Variants in C11orf65 observed in about 807,000 individuals in gnomAD.
The protein encoded by C11orf65 is chromosome 11 open reading frame 65.
Under a neutral mutation model 35.3 loss-of-function variants are expected in C11orf65, and 38 were observed. The ratio of observed to expected loss-of-function variants is 1.08; its 90% confidence interval spans 0.83 to 1.41. C11orf65 has a LOEUF of 1.41. Ranked by LOEUF, C11orf65 falls within the 40% of genes most tolerant of loss-of-function variation. The probability of loss-of-function intolerance (pLI) is 0.00; values close to 1 mark genes in which losing one functional copy is unlikely to be tolerated. For synonymous variants in C11orf65, 105 were observed against 114.4 expected, an observed-to-expected ratio of 0.92 and a Z score of 0.53; for missense variants, 370 against 367.1, an observed-to-expected ratio of 1.01 and a Z score of -0.06.
upstream of C11orf65, among the ~76,000 whole-genome samples, chr11:108,467,841 T>G (rs2093557518): frequency 6.6e-6 from 1 of 152,200 alleles, no homozygotes; most frequent in Non-Finnish European, 1.5e-5. Flanking sequence ...AAAATTTTTC[T>G]TGAGATAGGG....
intron 3 of C11orf65, among the ~76,000 whole-genome samples, chr11:108,426,817 A>G (rs2092909093): frequency 6.6e-6 from 1 of 152,216 alleles, no homozygotes; most frequent in Non-Finnish European, 1.5e-5. Flanking sequence ...AACCAATGGA[A>G]CAGAACAGAG....
chr11:108,403,740 T>C (rs1170771093), intron 6 of C11orf65, among the ~76,000 whole-genome samples: 1 of 152,242 alleles, frequency 6.6e-6, no homozygotes, highest in Non-Finnish European at 1.5e-5. Context: ...TCCAATTTGT[T>C]GAAAAGACTA....
At chr11:108,317,829 T>C (rs1476458126) in intron 6 of C11orf65, among the ~76,000 whole-genome samples, 1 of 151,562 alleles carries the variant, frequency 6.6e-6, no homozygotes, top group Non-Finnish European at 1.5e-5. Flanking sequence ...TACTCTCTTA[T>C]TCCATTAGGA....
Position 108,345,645 on chromosome 11 carries a change from A to G in C11orf65, c.227-10353T>C. 3.0e-6 allele frequency: 3 copies of G among 999,628 alleles called. No homozygotes were observed. In the South Asian group the frequency reaches 5.5e-5, roughly 18 times the overall value. 61.9% of individuals were successfully genotyped at this position (999,628 alleles called of 1,614,324 possible). A position where few individuals can be genotyped will look rare whatever the true frequency, so the allele number is the denominator to read the frequency against. ...TAGGTAATGTATCCTGTTCATCTTT[A>G]TTGCCCCTATATCTGTCATATTTTT... On this transcript the variant is annotated intron_variant, in intron 2 of 3. Coordinates refer to the C11orf65 transcript ENST00000524755.
intron 1 of C11orf65, chr11:108,462,439 TTG>T (rs1227820473): frequency 6.6e-6 from 1 of 152,266 alleles, no homozygotes; most frequent in African/African-American, 2.4e-5. Context: ...GCTAATATGC[TTG>T]TGTTAGAGAT....
intron 7 of C11orf65, among the ~76,000 whole-genome samples, chr11:108,390,497 A>AT (rs543637047): frequency 6.7e-4 from 102 of 152,226 alleles, no homozygotes; most frequent in Middle Eastern, 3.4e-3. Context: ...TCTGGTATCA[A>AT]TTTTTTGTAC....
downstream of C11orf65, chr11:108,329,119 T>G: frequency 6.2e-7 from 1 of 1,614,086 alleles, no homozygotes; most frequent in Non-Finnish European, 8.5e-7. Flanking sequence ...TTTCAGATAC[T>G]CAATACCAAA....
At chr11:108,369,474 G>A (rs1230867807) in intron 2 of C11orf65, among the ~76,000 whole-genome samples, 1 of 152,098 alleles carries the variant, frequency 6.6e-6, no homozygotes, top group East Asian at 1.9e-4. Flanking sequence ...TTTTTTACCT[G>A]TTTATCATAT....
intron 2 of C11orf65, among the ~76,000 whole-genome samples, chr11:108,446,171 G>A (rs1565709181): frequency 6.6e-6 from 1 of 152,082 alleles, no homozygotes; most frequent in Non-Finnish European, 1.5e-5. Context: ...GTACCTGAAA[G>A]TGATGGGGAG....
At chr11:108,459,094 G>A (rs1412682371) in intron 2 of C11orf65, among the ~76,000 whole-genome samples, 2 of 152,134 alleles carry the variant, frequency 1.3e-5, no homozygotes, top group Admixed American at 1.3e-4. Context: ...TTTCTCTAAT[G>A]GGTATCGTCA....
intron 6 of C11orf65, among the ~76,000 whole-genome samples, chr11:108,312,803 GT>G (rs2084292070): frequency 2.0e-5 from 3 of 152,220 alleles, no homozygotes; most frequent in Middle Eastern, 6.8e-3. Flanking sequence ...AGCACTTAGG[GT>G]TTATAATTAT....
Position 108,425,800 on chromosome 11 carries a change from C to T in C11orf65, c.174+5946G>A, listed in dbSNP as rs545403393. Among the ~76,000 whole-genome samples the T allele has an allele frequency of 1.5e-3, 228 of 152,234 alleles. 1 individual carries two copies. The highest frequency in any genetic ancestry group is 5.3e-3 in the African/African-American group (221 of 41,544). ...AGCACATCAAAAAGCGTATCCACCA[C>T]GATCAAGTCGGCTTCATCCCTGGGA... On this transcript the variant is annotated intron_variant, in intron 3 of 8. Transcript: ENST00000393084.
At chr11:108,330,423 C>T (rs2136465125), downstream of C11orf65, 2 of 1,613,966 alleles carry the variant, frequency 1.2e-6, no homozygotes, top group Non-Finnish European at 1.7e-6. Context: ...ATGATGAAGG[C>T]AAGTGTTACT....
At chr11:108,325,072 A>G (rs1225432966) in intron 6 of C11orf65, among the ~76,000 whole-genome samples, 1 of 152,044 alleles carries the variant, frequency 6.6e-6, no homozygotes. Context: ...ATTTTTTTTG[A>G]TGTTTGTCAT....
chr11:108,373,961 C>A (rs12272964), intron 2 of C11orf65, among the ~76,000 whole-genome samples: 1 of 152,204 alleles, frequency 6.6e-6, no homozygotes, highest in Admixed American at 6.5e-5. Context: ...AAGGCTGCAG[C>A]GAGGCTGGCG....
intron 8 of C11orf65, among the ~76,000 whole-genome samples, chr11:108,384,142 A>T (rs2138280970): frequency 6.6e-6 from 1 of 152,258 alleles, no homozygotes; most frequent in East Asian, 1.9e-4. Flanking sequence ...GATTACAGGC[A>T]TGAGCCATTG....
rs151318832 is a variant in C11orf65 at position 108,463,527 on chromosome 11, C to G, written c.-9-1959G>C. 2.2e-4 allele frequency among the ~76,000 whole-genome samples: 34 copies of G among 152,262 alleles called. No homozygotes were observed. In the East Asian group the frequency reaches 5.6e-3, roughly 25 times the overall value. On this transcript the variant is annotated intron_variant, in intron 1 of 8. Transcript: ENST00000393084. ...GGAGGCATGGGAAGACAGGTTAAGT[C>G]TTTGGACTCTGAGGCAAGATAGACC...
chr11:108,315,353 T>C (rs1200762212), intron 6 of C11orf65, among the ~76,000 whole-genome samples: 2 of 152,250 alleles, frequency 1.3e-5, no homozygotes, highest in Non-Finnish European at 2.9e-5. Flanking sequence ...AATAATGCTG[T>C]GTACAGTGTG....
chr11:108,427,721 CAAAAAAAAA>C (rs1176005299), intron 3 of C11orf65, among the ~76,000 whole-genome samples: 2 of 40,740 alleles, frequency 4.9e-5, no homozygotes, highest in Non-Finnish European at 8.2e-5. Flanking sequence ...AACTCCGCCT[CAAAAAAAAA>C]AAAAAAAAAA....
Sources: allele counts gnomAD v4.1 joint callset (sites outside exome capture counted in the v4.1 genomes callset), GRCh38; gene constraint gnomAD v4.1.1; transcripts MANE v1.5; gene names NCBI Gene and HGNC (gene_info 2026-07-23, HGNC 2026-07-21).